The following OGT variants were observed in gnomAD, a reference collection of about 807,000 sequenced individuals.
OGT encodes the protein UDP-N-acetylglucosamine--peptide N-acetylglucosaminyltransferase 110 kDa subunit.
Under a neutral mutation model 75.8 loss-of-function variants are expected in OGT, and 3 were observed. The observed-to-expected ratio is 0.04, with a 90% CI of 0.02 to 0.10. The LOEUF (loss-of-function observed/expected upper bound fraction) is 0.10. Among genes scored for constraint, OGT ranks in the 10% least tolerant of loss-of-function variants. The probability of loss-of-function intolerance (pLI) is 1.00; values close to 1 mark genes in which losing one functional copy is unlikely to be tolerated. For synonymous variants in OGT, 257 were observed against 289.7 expected, an observed-to-expected ratio of 0.89 and a Z score of 1.15; for missense variants, 260 against 824.4, an observed-to-expected ratio of 0.32 and a Z score of 8.38.
intron 19 of OGT, among the ~76,000 whole-genome samples, chrX:71,565,164 A>T (rs2147691511): frequency 8.9e-6 from 1 of 112,359 alleles, no homozygotes; most frequent in African/African-American, 3.2e-5. Context: ...CATCTCAAAA[A>T]AATTTTTTTT....
In OGT at chrX:71,573,727, A is replaced by G; in HGVS notation, c.3074A>G (p.Glu1025Gly). ...ELERLYLQMW[E>G]HYAAGNKPDH... ...GAGCGGCTCTATCTACAGATGTGGG[A>G]GCATTATGCAGCTGGCAACAAACCT... The change falls in exon 22 of 22, where the codon GAG becomes GGG. Residue 1025 changes from glutamate to glycine, a missense_variant. Glu to Gly is a moderately conservative substitution (Grantham distance 98). Coordinates refer to ENST00000373719, the MANE Select transcript of OGT (RefSeq NM_181672.3). The G allele has an allele frequency of 8.3e-7, 1 of 1,209,793 alleles. No individual in the cohort carries two copies. Among genetic ancestry groups the G allele is most frequent in the Non-Finnish European group, 1.1e-6 (1 of 894,185 alleles).
rs1569427900 is a variant in OGT, at chrX:71,555,950, C to T, written c.925-4C>T. 2 of 1,209,633 alleles carry T rather than the reference C, an allele frequency of 1.7e-6. No individual in the cohort carries two copies. The highest frequency in any genetic ancestry group is 3.0e-5 in the East Asian group (1 of 33,773). On this transcript the variant is annotated splice_region_variant and splice_polypyrimidine_tract_variant and intron_variant, in intron 7 of 21. Coordinates refer to ENST00000373719, the MANE Select transcript of OGT (RefSeq NM_181672.3). The stretch of plus-strand genomic sequence containing the variant: ...GTTTTTGAAGACTTTGTTTTGTTTT[C>T]TAGGTTGCTGAAGCAGAAGATTGTT...
intron 14 of OGT, among the ~76,000 whole-genome samples, chrX:71,560,146 G>T (rs1602150630): frequency 1.8e-5 from 2 of 108,859 alleles, no homozygotes; most frequent in East Asian, 5.7e-4. Context: ...GGGTGTGGTG[G>T]TGCATTCCTG....
chrX:71,558,366 T>C (rs1235612155), intron 12 of OGT, among the ~76,000 whole-genome samples: 7 of 101,258 alleles, frequency 6.9e-5, no homozygotes, highest in Non-Finnish European at 1.4e-4. Flanking sequence ...CTAGGTGTAC[T>C]TTTTTTTTTT....
intron 1 of OGT, among the ~76,000 whole-genome samples, chrX:71,533,965 C>T (rs1165910151): frequency 9.0e-6 from 1 of 111,606 alleles, no homozygotes; most frequent in African/African-American, 3.3e-5. Flanking sequence ...TGAGCGGTCC[C>T]GGTTTAGATT....
At chrX:71,535,454 G>C (rs1025631997) in intron 1 of OGT, among the ~76,000 whole-genome samples, 2 of 111,907 alleles carry the variant, frequency 1.8e-5, no homozygotes, top group African/African-American at 6.5e-5. Flanking sequence ...GAGGAGCAGT[G>C]TAATCTTGGG....
At chrX:71,569,855 C>T (rs1305746671) in intron 21 of OGT, among the ~76,000 whole-genome samples, 1 of 107,655 alleles carries the variant, frequency 9.3e-6, no homozygotes, top group African/African-American at 3.4e-5. Context: ...CCTGCTTCAG[C>T]CTCCCGAGTA....
chrX:71,536,560 A>G (rs189944562), intron 2 of OGT: 4 of 334,419 alleles, frequency 1.2e-5, no homozygotes, highest in African/African-American at 1.1e-4. Flanking sequence ...TTATATTATC[A>G]GTATGACTAG....
Position 71,568,132 on chromosome X carries a change from C to G in OGT, c.2966+16C>G, listed in dbSNP as rs2040428271. The G allele has an allele frequency of 8.6e-7, 1 of 1,160,659 alleles. No individual in the cohort carries two copies. The highest frequency in any genetic ancestry group is 1.2e-6 in the Non-Finnish European group (1 of 867,222). ...ATCTAGAATAGTAAGTAAACTTTTC[C>G]TTGAACAAATTATTTGGTAAAGTAG... On this transcript the variant is annotated intron_variant, in intron 21 of 21. Transcript: ENST00000373719.
intron 7 of OGT, 75 bp downstream of exon 7, chrX:71,555,460 A>G: frequency 1.1e-6 from 1 of 941,932 alleles, no homozygotes; most frequent in Non-Finnish European, 1.5e-6. Context: ...GGTGGCTCAC[A>G]CTTGTAATGC....
intron 19 of OGT, among the ~76,000 whole-genome samples, chrX:71,565,475 C>T (rs895005368): frequency 3.6e-5 from 4 of 111,149 alleles, no homozygotes; most frequent in African/African-American, 9.8e-5. Context: ...GAGATCTGCC[C>T]GCCTTGGCCT....
At chrX:71,540,672 ATTT>A (rs769056244) in intron 3 of OGT, among the ~76,000 whole-genome samples, 1 of 94,355 alleles carries the variant, frequency 1.1e-5, no homozygotes. Context: ...TTAGTCTGTC[ATTT>A]TTTTTTTTTT....
At chrX:71,544,712 T>A (rs902241543) in intron 4 of OGT, 77 bp downstream of exon 4, 5 of 791,158 alleles carry the variant, frequency 6.3e-6, no homozygotes, top group Non-Finnish European at 9.4e-6. Flanking sequence ...CAACTCTTCA[T>A]TGAGCTATCT....
At chrX:71,564,371 GT>G (rs2040403088) in intron 18 of OGT, among the ~76,000 whole-genome samples, 1 of 112,050 alleles carries the variant, frequency 8.9e-6, no homozygotes, top group African/African-American at 3.2e-5. Flanking sequence ...CTGTTGGAAC[GT>G]TAATAGGATT....
intron 19 of OGT, among the ~76,000 whole-genome samples, chrX:71,565,152 T>G (rs1301148466): frequency 8.9e-6 from 1 of 112,212 alleles, no homozygotes; most frequent in African/African-American, 3.2e-5. Context: ...AGAGCAAACC[T>G]CCATCTCAAA....
chrX:71,538,232 G>A (rs2040193640), intron 3 of OGT, among the ~76,000 whole-genome samples, 160 bp downstream of exon 3: 1 of 112,522 alleles, frequency 8.9e-6, no homozygotes, highest in South Asian at 3.6e-4. Context: ...GCTGGTCTGC[G>A]TTATGCTAAA....
Position 71,564,601 on chromosome X carries a change from A to G in OGT, c.2437A>G (p.Ile813Val), listed in dbSNP as rs765884717. 2.5e-6 allele frequency: 3 copies of G among 1,200,960 alleles called. No individual in the cohort carries two copies. Among genetic ancestry groups the G allele is most frequent in the Non-Finnish European group, 1.1e-6 (1 of 889,530 alleles). Residue 813 changes from isoleucine to valine, a missense_variant and splice_region_variant, in exon 19 of 22, where the codon ATC becomes GTC. Ile to Val is a conservative substitution (Grantham distance 29). Transcript: ENST00000373719. ...SISNGLATTQ[I>V]NNKAATGEEV... The stretch of plus-strand genomic sequence containing the variant: ...AACCATCATTTTTTTCTTGTTCTAG[A>G]TCAACAATAAGGCTGCAACTGGAGA...
At chrX:71,552,855 A>T (rs1309189143) in intron 5 of OGT, among the ~76,000 whole-genome samples, 2 of 110,839 alleles carry the variant, frequency 1.8e-5, no homozygotes, top group Admixed American at 9.7e-5. Context: ...ATGATCTGCG[A>T]AGAGGGGGAG....
chrX:71,569,174 A>G (rs944586797), intron 21 of OGT, among the ~76,000 whole-genome samples: 7 of 111,159 alleles, frequency 6.3e-5, no homozygotes, highest in African/African-American at 2.3e-4. Flanking sequence ...TAAAAATACA[A>G]AAAATTAGCC....
Sources: gnomAD v4.1 joint callset for allele counts (sites outside exome capture counted in the v4.1 genomes callset) on GRCh38, gnomAD v4.1.1 for gene constraint, MANE v1.5 for transcripts, NCBI Gene and HGNC (gene_info 2026-07-23, HGNC 2026-07-21) for gene names.